The following NRG3 variants were observed in gnomAD, a reference collection of about 807,000 sequenced individuals.
NRG3 encodes neuregulin 3.
In NRG3, 31 loss-of-function variants were observed where a neutral mutation model predicts 66.9. The observed-to-expected ratio is 0.46, with a 90% CI of 0.35 to 0.63. The LOEUF is 0.63. Among genes scored for constraint, NRG3 ranks in the 20% least tolerant of loss-of-function variants. The pLI, the probability that NRG3 is intolerant of heterozygous loss-of-function variation, is 0.00. For missense variants in NRG3, 910 were observed against 878.9 expected (o/e 1.04, Z -0.45); for synonymous variants, 393 against 359.4 (o/e 1.09, Z -1.06).
rs185751954 is a variant in NRG3 at position 82,553,641 on chromosome 10, G to A, written c.954-184936G>A. Among the ~76,000 whole-genome samples, 7 of 152,208 alleles carry A rather than the reference G, an allele frequency of 4.6e-5. No homozygotes were observed. In the East Asian group the frequency reaches 1.4e-3, roughly 29 times the overall value. The stretch of plus-strand genomic sequence containing the variant: ...ATAGCTGAATGCGAAAGAATCCATG[G>A]ACACTTATTTGTTATATATGCTGGG... On this transcript the variant is annotated intron_variant, in intron 2 of 8. Transcript: ENST00000372141.
chr10:82,663,077 C>A (rs1012777539), intron 2 of NRG3, among the ~76,000 whole-genome samples: 2 of 152,252 alleles, frequency 1.3e-5, no homozygotes, highest in South Asian at 4.1e-4. Flanking sequence ...TGTTCTCTTA[C>A]CAAGAAAGGA....
intron 2 of NRG3, among the ~76,000 whole-genome samples, chr10:82,585,169 G>GT (rs957676633): frequency 4.8e-4 from 71 of 148,926 alleles, no homozygotes; most frequent in African/African-American, 2.7e-4. Flanking sequence ...AACTCATAAG[G>GT]TTTTTTTTTT....
chr10:82,861,239 G>A (rs187010795), intron 3 of NRG3, among the ~76,000 whole-genome samples: 1 of 152,152 alleles, frequency 6.6e-6, no homozygotes, highest in Admixed American at 6.6e-5. Flanking sequence ...CTTTTTATTT[G>A]TATGTCCAGT....
intron 8 of NRG3, among the ~76,000 whole-genome samples, chr10:82,981,968 G>A (rs1271230706): frequency 1.3e-5 from 2 of 152,228 alleles, no homozygotes; most frequent in South Asian, 2.1e-4. Context: ...AAATTTTATT[G>A]ATAAGCACAT....
intron 2 of NRG3, among the ~76,000 whole-genome samples, chr10:82,669,641 G>C (rs948173963): frequency 1.3e-5 from 2 of 152,098 alleles, no homozygotes; most frequent in African/African-American, 4.8e-5. Context: ...TTAAAAAGCC[G>C]CAACATGCCG....
At chr10:82,296,280 A>G (rs2080056005) in intron 1 of NRG3, among the ~76,000 whole-genome samples, 1 of 152,160 alleles carries the variant, frequency 6.6e-6, no homozygotes, top group African/African-American at 2.4e-5. Context: ...GCAATGAGAA[A>G]CCATCAACGT....
chr10:82,004,324 A>T (rs1589751123), intron 1 of NRG3, among the ~76,000 whole-genome samples: 1 of 152,300 alleles, frequency 6.6e-6, no homozygotes, highest in South Asian at 2.1e-4. Context: ...CCATCAAACT[A>T]GGGAATGTTT....
intron 3 of NRG3, among the ~76,000 whole-genome samples, chr10:82,853,489 C>A (rs1373537223): frequency 6.6e-6 from 1 of 152,046 alleles, no homozygotes; most frequent in Non-Finnish European, 1.5e-5. Context: ...TTGTAGTTTT[C>A]CTTGTAGAGG....
At chr10:82,137,645 A>C (rs1308608796) in intron 1 of NRG3, among the ~76,000 whole-genome samples, 2 of 152,170 alleles carry the variant, frequency 1.3e-5, no homozygotes, top group African/African-American at 4.8e-5. Flanking sequence ...GTGAAATTGA[A>C]ATATCAGAAT....
intron 4 of NRG3, among the ~76,000 whole-genome samples, chr10:82,870,348 A>G (rs569042834): frequency 6.6e-6 from 1 of 152,322 alleles, no homozygotes; most frequent in Non-Finnish European, 1.5e-5. Context: ...AGGACATCTT[A>G]GTTGTTTCCA....
intron 5 of NRG3, chr10:82,955,102 A>T (rs1416348567): frequency 6.6e-6 from 1 of 151,734 alleles, no homozygotes; most frequent in East Asian, 1.9e-4. Flanking sequence ...TTGATCATTT[A>T]TGTTCTACTT....
At chr10:82,454,319 T>C (rs928633457) in intron 2 of NRG3, among the ~76,000 whole-genome samples, 4 of 152,164 alleles carry the variant, frequency 2.6e-5, no homozygotes, top group Non-Finnish European at 5.9e-5. Context: ...TGGGTTTGTT[T>C]TTCTAAGAAG....
intron 2 of NRG3, among the ~76,000 whole-genome samples, chr10:82,411,330 A>AT (rs2088069618): frequency 1.3e-5 from 2 of 152,078 alleles, no homozygotes; most frequent in African/African-American, 2.4e-5. Flanking sequence ...GGAAAGACTG[A>AT]TTTTACCAAA....
chr10:82,628,753 A>G (rs2049603795), intron 2 of NRG3, among the ~76,000 whole-genome samples: 1 of 152,214 alleles, frequency 6.6e-6, no homozygotes, highest in South Asian at 2.1e-4. Flanking sequence ...ACAGTTACGG[A>G]AGTAGGAGTG....
chr10:82,930,945 A>G (rs1451314387), intron 4 of NRG3, among the ~76,000 whole-genome samples: 1 of 152,202 alleles, frequency 6.6e-6, no homozygotes, highest in African/African-American at 2.4e-5. Context: ...AGGCCTTTCC[A>G]GGCAGAAGGA....
At chr10:82,073,026 T>C (rs915837659) in intron 1 of NRG3, among the ~76,000 whole-genome samples, 4 of 152,084 alleles carry the variant, frequency 2.6e-5, no homozygotes, top group Admixed American at 6.5e-5. Flanking sequence ...ACACTCACTT[T>C]GTCCTCCCAA....
intron 1 of NRG3, among the ~76,000 whole-genome samples, chr10:82,149,399 T>G (rs980457320): frequency 6.6e-6 from 1 of 152,178 alleles, no homozygotes; most frequent in Non-Finnish European, 1.5e-5. Flanking sequence ...GCCCTCACTC[T>G]TGTTTTTGCC....
chr10:81,967,946 C>T (rs544423412), intron 1 of NRG3, among the ~76,000 whole-genome samples: 1 of 152,248 alleles, frequency 6.6e-6, no homozygotes, highest in South Asian at 2.1e-4. Flanking sequence ...TGGCAGCACT[C>T]CTTCTTTATT....
intron 2 of NRG3, among the ~76,000 whole-genome samples, chr10:82,381,124 T>C (rs573957067): frequency 6.6e-6 from 1 of 152,158 alleles, no homozygotes; most frequent in Admixed American, 6.5e-5. Flanking sequence ...GGAACCGTCA[T>C]CAAAAAAGGC....
Sources: gnomAD v4.1 joint callset for allele counts (sites outside exome capture counted in the v4.1 genomes callset) on GRCh38, gnomAD v4.1.1 for gene constraint, MANE v1.5 for transcripts, NCBI Gene and HGNC (gene_info 2026-07-23, HGNC 2026-07-21) for gene names.